The following GPX4 variants were observed in gnomAD, a reference collection of about 807,000 sequenced individuals.
GPX4 encodes the protein glutathione peroxidase 4.
Under a neutral mutation model 27.8 loss-of-function variants are expected in GPX4, and 28 were observed. The observed-to-expected ratio is 1.01, with a 90% CI of 0.75 to 1.38. GPX4 has a LOEUF of 1.38. Ranked by LOEUF, GPX4 falls within the 40% of genes most tolerant of loss-of-function variation. GPX4 has a pLI of 0.00. For synonymous variants in GPX4, 163 were observed against 107.8 expected, an observed-to-expected ratio of 1.51 and a Z score of -3.17; for missense variants, 357 against 274.1, an observed-to-expected ratio of 1.30 and a Z score of -2.14.
rs1403209772 is a variant in GPX4, at chr19:1,106,720, C to A, written c.*148C>A. On this transcript the variant is annotated 3_prime_UTR_variant, in exon 7 of 7. Transcript: ENST00000354171. ...CGCCGGAGGAAGGTCCCATGGCCTG[C>A]TGGGCTTGGCTCGGCGCCCCCACCC... 2 of 1,053,306 alleles carry A rather than the reference C, an allele frequency of 1.9e-6. No homozygotes were observed. The highest frequency in any genetic ancestry group is 2.7e-6 in the Non-Finnish European group (2 of 739,014). 65.2% of individuals were successfully genotyped at this position (1,053,306 alleles called of 1,614,324 possible). A position where few individuals can be genotyped will look rare whatever the true frequency, so the allele number is the denominator to read the frequency against.
At position 1,106,610 on chromosome 19, in the gene GPX4, C is replaced by T. The variant is rs780636974; in HGVS notation, c.*38C>T. 184 of 1,611,880 alleles carry T rather than the reference C, an allele frequency of 1.1e-4. No individual in the cohort carries two copies. Among genetic ancestry groups the T allele is most frequent in the Non-Finnish European group, 2.7e-5 (32 of 1,179,320 alleles). Reference sequence around the variant, plus strand: ...GTGGCCCCGCCCGAGCCCCTGCCCACGCCCTTGGAGCCTTCCACCGGCACT... The same window carrying T: ...GTGGCCCCGCCCGAGCCCCTGCCCATGCCCTTGGAGCCTTCCACCGGCACT... On this transcript the variant is annotated 3_prime_UTR_variant, in exon 7 of 7. Coordinates refer to ENST00000354171, the MANE Select transcript of GPX4 (RefSeq NM_002085.5).
intron 1 of GPX4, chr19:1,104,622 G>A (rs1361984565): frequency 1.0e-6 from 1 of 986,070 alleles, no homozygotes; most frequent in Middle Eastern, 5.2e-4. Context: ...CCGCACCTTG[G>A]CCTAGCGCGG....
Position 1,104,111 on chromosome 19 carries a change from G to C in GPX4, c.68G>C (p.Gly23Ala). ...ALLCGALAAP[G>A]LAGTMCASRD... ...CTCTGTGGGGCTCTGGCCGCGCCTG[G>C]CCTGGCCGGGACCATGGTGAGCTAG... is the stretch of plus-strand genomic sequence containing the variant. The change falls in exon 1 of 7, where the codon GGC (glycine) becomes GCC (alanine). Residue 23 changes from glycine to alanine, a missense_variant. Gly to Ala is a moderately conservative substitution (Grantham distance 60, BLOSUM62 0). Transcript: ENST00000354171. 2.7e-6 allele frequency: 4 copies of C among 1,503,706 alleles called. No individual in the cohort carries two copies. Among genetic ancestry groups the C allele is most frequent in the Non-Finnish European group, 3.5e-6 (4 of 1,133,360 alleles). 93.1% of individuals were successfully genotyped at this position (1,503,706 alleles called of 1,614,324 possible).
In GPX4 at chr19:1,104,017, G is replaced by A; in HGVS notation, c.-27G>A. 1 of 1,513,322 alleles carries A rather than the reference G, an allele frequency of 6.6e-7. No homozygotes were observed. The highest frequency in any genetic ancestry group is 8.8e-7 in the Non-Finnish European group (1 of 1,136,772). 93.7% of individuals were successfully genotyped at this position (1,513,322 alleles called of 1,614,324 possible). A position where few individuals can be genotyped will look rare whatever the true frequency, so the allele number is the denominator to read the frequency against. ...CCATTGGTCGGCTGGACGAGGGGAG[G>A]AGCCGCTGGCTCCCAGCCCCGCCGC... On this transcript the variant is annotated 5_prime_UTR_variant, in exon 1 of 7. Coordinates refer to ENST00000354171, the MANE Select transcript of GPX4 (RefSeq NM_002085.5).
chr19:1,104,251 G>T, intron 1 of GPX4, 124 bp downstream of exon 1: 1 of 841,444 alleles, frequency 1.2e-6, no homozygotes, highest in East Asian at 3.4e-5. Context: ...GCGTCTGGGG[G>T]CTCCCCCTCC....
intron 5 of GPX4, 29 bp from the exon 6 acceptor site, chr19:1,106,371 C>T (rs1238185898): frequency 6.2e-6 from 10 of 1,613,318 alleles, no homozygotes; most frequent in Non-Finnish European, 8.5e-6. Flanking sequence ...CAGGGGTGGC[C>T]CCACAGTTTG....
Position 1,106,123 on chromosome 19 carries a change from C to T in GPX4, c.477-119C>T, listed in dbSNP as rs1322056578. On this transcript the variant is annotated intron_variant, in intron 4 of 6. Coordinates refer to ENST00000354171, the MANE Select transcript of GPX4 (RefSeq NM_002085.5). ...AGATGGCTCTGGGGGGGCTTGGGGGCACTGTGGCTGTGGAGGCAGCCGGGG... is the reference window on the plus strand; with the variant it reads ...AGATGGCTCTGGGGGGGCTTGGGGGTACTGTGGCTGTGGAGGCAGCCGGGG... The T allele has an allele frequency of 6.4e-6, 6 of 935,446 alleles. No individual in the cohort carries two copies. The Admixed American group carries it at 1.0e-4, about 16-fold the overall frequency. 57.9% of individuals were successfully genotyped at this position (935,446 alleles called of 1,614,324 possible).
intron 4 of GPX4, 159 bp downstream of exon 4, chr19:1,105,968 C>G (rs1304455148): frequency 7.9e-6 from 7 of 886,438 alleles, no homozygotes; most frequent in Non-Finnish European, 1.7e-6. Flanking sequence ...GGTAAGATGG[C>G]TCAGGGGGAC....
intron 2 of GPX4, 34 bp from the exon 3 acceptor site, chr19:1,105,332 T>C: frequency 6.2e-7 from 1 of 1,612,360 alleles, no homozygotes; most frequent in South Asian, 1.1e-5. Context: ...GAGGGGGCCG[T>C]GTTCTTCTGC....
intron 4 of GPX4, 139 bp from the exon 5 acceptor site, chr19:1,106,103 G>A: frequency 2.0e-5 from 15 of 766,666 alleles, no homozygotes; most frequent in Non-Finnish European, 3.1e-5. Context: ...GGGTAAGATG[G>A]CTCTGGGGGG....
chr19:1,106,496 G>A, intron 6 of GPX4, 37 bp downstream of exon 6: 1 of 1,612,510 alleles, frequency 6.2e-7, no homozygotes, highest in South Asian at 1.1e-5. Context: ...GAGGCTCGGG[G>A]GCTTGGGAGG....
chr19:1,104,381 GGGTCGT>G (rs1371399455), intron 1 of GPX4: 2 of 442,050 alleles, frequency 4.5e-6, no homozygotes, highest in Non-Finnish European at 7.7e-6. Context: ...CCACGCGCGC[GGGTCGT>G]GGTCGGGGAA....
Position 1,106,232 on chromosome 19 carries a change from T to G in GPX4, c.477-10T>G, listed in dbSNP as rs757831633. On this transcript the variant is annotated splice_polypyrimidine_tract_variant and intron_variant, in intron 4 of 6. Coordinates refer to ENST00000354171, the MANE Select transcript of GPX4 (RefSeq NM_002085.5). ...CTGGGGACGCTCACGTCCATGTGCTTCTTTTCCAGTGCCATCAAGTGGAAC... is the reference window on the plus strand; with the variant it reads ...CTGGGGACGCTCACGTCCATGTGCTGCTTTTCCAGTGCCATCAAGTGGAAC... The G allele has an allele frequency of 5.6e-6, 9 of 1,602,394 alleles. No individual in the cohort carries two copies. Among genetic ancestry groups the G allele is most frequent in the East Asian group, 2.2e-5 (1 of 44,598 alleles).
intron 1 of GPX4, chr19:1,104,543 C>T: frequency 1.3e-6 from 1 of 769,580 alleles, no homozygotes; most frequent in African/African-American, 1.9e-5. Flanking sequence ...GGGGCTGCTG[C>T]GCCCGAGCGG....
At chr19:1,105,109 C>T in intron 1 of GPX4, 77 bp from the exon 2 acceptor site, 1 of 1,561,410 alleles carries the variant, frequency 6.4e-7, no homozygotes, top group Non-Finnish European at 8.8e-7. Flanking sequence ...CCGACCCGCT[C>T]CCGATCCCTT....
chr19:1,104,717 G>A (rs1568531817), intron 1 of GPX4: 4 of 985,090 alleles, frequency 4.1e-6, no homozygotes, highest in Non-Finnish European at 2.4e-6. Flanking sequence ...AGCCAGGAGG[G>A]GCGGGAGACG....
chr19:1,106,328 G>A (rs754502718), intron 5 of GPX4, 62 bp downstream of exon 5: 1 of 1,609,066 alleles, frequency 6.2e-7, no homozygotes, highest in South Asian at 1.1e-5. Flanking sequence ...GCCCAGATGG[G>A]CAGCGGACAG....
At position 1,105,364 on chromosome 19, in the gene GPX4, A is replaced by G. The variant is rs77421492; in HGVS notation, c.180-2A>G. 1 of 1,611,178 alleles carries G rather than the reference A, an allele frequency of 6.2e-7. No homozygotes were observed. Among genetic ancestry groups the G allele is most frequent in the African/African-American group, 1.3e-5 (1 of 75,014 alleles). ...CTGCGCTGACGCCGCCGATCCTCGC[A>G]GGGGCTTCGTGTGCATCGTCACCAA... On this transcript the variant is annotated splice_acceptor_variant, in intron 2 of 6. Transcript: ENST00000354171. LOFTEE classifies it high-confidence loss of function.
rs116958457 is a variant in GPX4, at chr19:1,106,131, C to T, written c.477-111C>T. The T allele has an allele frequency of 7.9e-3, 8,316 of 1,052,382 alleles. 48 individuals are homozygous for T. Among genetic ancestry groups the T allele is most frequent in the Non-Finnish European group, 8.6e-3 (6,289 of 729,806 alleles). The allele number at this position is 1,052,382 out of a possible 1,614,324, so 65.2% of individuals were successfully genotyped here. The stretch of plus-strand genomic sequence containing the variant: ...CTGGGGGGGCTTGGGGGCACTGTGG[C>T]TGTGGAGGCAGCCGGGGAAGCTCAC... On this transcript the variant is annotated intron_variant, in intron 4 of 6. Coordinates refer to ENST00000354171, the MANE Select transcript of GPX4 (RefSeq NM_002085.5).
Sources: gnomAD v4.1 joint callset for allele counts on GRCh38, gnomAD v4.1.1 for gene constraint, MANE v1.5 for transcripts, NCBI Gene and HGNC (gene_info 2026-07-23, HGNC 2026-07-21) for gene names.